Variants in THSD7A observed in about 807,000 individuals in gnomAD.
THSD7A encodes the protein thrombospondin type 1 domain containing 7A.
A neutral mutation model predicts 231.3 loss-of-function variants in THSD7A; 96 were observed. The observed-to-expected ratio is 0.41, with a 90% CI of 0.35 to 0.49. The LOEUF (loss-of-function observed/expected upper bound fraction) is 0.49. THSD7A is among the 20% of genes least tolerant of loss of function. THSD7A has a pLI of 0.05. For synonymous variants in THSD7A, 940 were observed against 743.3 expected (o/e 1.26, Z -4.30); for missense variants, 2,290 against 2,070.2 (o/e 1.11, Z -2.06).
At chr7:11,429,806 G>A (rs551818386) in intron 13 of THSD7A, among the ~76,000 whole-genome samples, 20 of 152,292 alleles carry the variant, frequency 1.3e-4, no homozygotes, top group African/African-American at 4.8e-4. Context: ...GACTGACTGA[G>A]TCCAAGGTTA....
At chr7:11,457,688 A>T (rs1032631586) in intron 11 of THSD7A, among the ~76,000 whole-genome samples, 1 of 152,086 alleles carries the variant, frequency 6.6e-6, no homozygotes, top group African/African-American at 2.4e-5. Flanking sequence ...AGCCTTCCAC[A>T]AAATCACCCC....
chr7:11,378,874 T>C (rs1349884089), intron 26 of THSD7A, 196 bp downstream of exon 26: 1 of 581,728 alleles, frequency 1.7e-6, no homozygotes, highest in African/African-American at 1.9e-5. Context: ...TAATTTCATT[T>C]CTCTGAACTT....
chr7:11,622,578 G>A (rs1314492092), intron 2 of THSD7A, among the ~76,000 whole-genome samples: 1 of 152,032 alleles, frequency 6.6e-6, no homozygotes, highest in Non-Finnish European at 1.5e-5. Flanking sequence ...TGTGTAAAAC[G>A]ATTCTTCTAG....
At chr7:11,560,086 T>A (rs968555419) in intron 4 of THSD7A, among the ~76,000 whole-genome samples, 1 of 152,000 alleles carries the variant, frequency 6.6e-6, no homozygotes, top group Admixed American at 6.6e-5. Context: ...TATACAGAGG[T>A]GGAAATAAGC....
intron 1 of THSD7A, among the ~76,000 whole-genome samples, chr7:11,768,096 G>A (rs1783088792): frequency 1.3e-5 from 2 of 152,148 alleles, no homozygotes; most frequent in Admixed American, 6.6e-5. Flanking sequence ...GATAAGTAAT[G>A]TGCAAGAAAC....
intron 1 of THSD7A, among the ~76,000 whole-genome samples, chr7:11,658,893 A>G (rs1782811270): frequency 6.6e-6 from 1 of 151,750 alleles, no homozygotes; most frequent in Non-Finnish European, 1.5e-5. Flanking sequence ...TAAGATTCAG[A>G]GCAGAACTCA....
At chr7:11,807,116 G>A (rs1292130899) in intron 1 of THSD7A, among the ~76,000 whole-genome samples, 1 of 152,058 alleles carries the variant, frequency 6.6e-6, no homozygotes, top group African/African-American at 2.4e-5. Context: ...ACTCTGAAGT[G>A]TTTTAAACAA....
chr7:11,385,474 C>T (rs1782694154), intron 23 of THSD7A: 1 of 151,986 alleles, frequency 6.6e-6, no homozygotes, highest in South Asian at 2.1e-4. Flanking sequence ...GTTTGGTCTA[C>T]AAGTTTTTAT....
At chr7:11,482,821 T>C (rs1377618467) in intron 6 of THSD7A, among the ~76,000 whole-genome samples, 1 of 152,180 alleles carries the variant, frequency 6.6e-6, no homozygotes, top group Non-Finnish European at 1.5e-5. Flanking sequence ...ACTTATTTAA[T>C]ATTTGCTGAA....
chr7:11,374,786 G>C lies in THSD7A; in HGVS notation c.*1008C>G, dbSNP rs984270063. On this transcript the variant is annotated 3_prime_UTR_variant, in exon 28 of 28. Transcript: ENST00000423059. ...CCATGTTGTCAATTTCACAATGGCT[G>C]CAGTGATGAGGAAGTGTGTGTACAG... 1 of 152,068 alleles carries C rather than the reference G, an allele frequency of 6.6e-6. No homozygotes were observed. The highest frequency in any genetic ancestry group is 2.1e-4 in the South Asian group (1 of 4,834). The allele number at this position is 152,068 out of a possible 1,614,324, so 9.4% of individuals were successfully genotyped here. A position where few individuals can be genotyped will look rare whatever the true frequency, so the allele number is the denominator to read the frequency against.
At chr7:11,698,976 T>A (rs1483874048) in intron 1 of THSD7A, among the ~76,000 whole-genome samples, 1 of 59,168 alleles carries the variant, frequency 1.7e-5, no homozygotes, top group Admixed American at 1.8e-4. Context: ...TCACTGATTT[T>A]TTTTTTTTTT....
At chr7:11,485,803 C>T (rs1377756262) in intron 6 of THSD7A, among the ~76,000 whole-genome samples, 1 of 152,156 alleles carries the variant, frequency 6.6e-6, no homozygotes, top group Non-Finnish European at 1.5e-5. Context: ...ATGCATGTTG[C>T]CAGCCACACA....
Position 11,446,368 on chromosome 7 carries a change from A to T in THSD7A, c.2801-44T>A, listed in dbSNP as rs758886151. ...CAGGCAATTTAAGTTGGAAAATACC[A>T]TCATTAATTTCACACATCCCTAAAT... On this transcript the variant is annotated intron_variant, in intron 12 of 27. Transcript: ENST00000423059. This position sits in a 1 kb window ranked among gnomAD's most constrained non-coding sequence, Gnocchi z 4.0. 6.4e-7 allele frequency: 1 copy of T among 1,569,926 alleles called. No individual in the cohort carries two copies. The highest frequency in any genetic ancestry group is 8.6e-7 in the Non-Finnish European group (1 of 1,159,976).
intron 11 of THSD7A, among the ~76,000 whole-genome samples, chr7:11,451,374 C>A (rs1355322986): frequency 6.6e-6 from 1 of 151,866 alleles, no homozygotes; most frequent in Non-Finnish European, 1.5e-5. Flanking sequence ...TAAAAATGCT[C>A]AAGTATTTAT....
intron 4 of THSD7A, among the ~76,000 whole-genome samples, chr7:11,548,466 T>TCTTA (rs1420378365): frequency 6.6e-6 from 1 of 152,092 alleles, no homozygotes; most frequent in Non-Finnish European, 1.5e-5. Flanking sequence ...CTACTAAAAC[T>TCTTA]ATTCCAAAAA....
chr7:11,674,114 G>A lies in THSD7A; in HGVS notation c.191-37153C>T, dbSNP rs140021552. On this transcript the variant is annotated intron_variant, in intron 1 of 27. Transcript: ENST00000423059. ...CTGGTGTTCTAACCCTGAGGTAGGG[G>A]AGAGTGAGGCCCTAAGGTAGGGTAG... 3.0e-3 allele frequency among the ~76,000 whole-genome samples: 458 copies of A among 152,082 alleles called. 4 individuals carry two copies. The highest frequency in any genetic ancestry group is 0.01 in the African/African-American group (429 of 41,518).
chr7:11,586,940 G>C (rs919407618), intron 4 of THSD7A, among the ~76,000 whole-genome samples: 3 of 152,036 alleles, frequency 2.0e-5, no homozygotes, highest in Non-Finnish European at 2.9e-5. Context: ...ACAATATCCA[G>C]ATTTTAGTGT....
In THSD7A at chr7:11,445,971, A is replaced by G. The variant is rs114686682; in HGVS notation, c.3064+90T>C. The G allele has an allele frequency of 6.7e-4, 991 of 1,489,062 alleles. 5 individuals carry two copies. In the African/African-American group the frequency reaches 0.012, roughly 18 times the overall value. 92.2% of individuals were successfully genotyped at this position (1,489,062 alleles called of 1,614,324 possible). Reference sequence around the variant, plus strand: ...GTTTAATTTAGAATATACGTCTGTAAACCTTCACTTCCATTCCACTATGAT... The same window carrying G: ...GTTTAATTTAGAATATACGTCTGTAGACCTTCACTTCCATTCCACTATGAT... On this transcript the variant is annotated intron_variant, in intron 13 of 27. Transcript: ENST00000423059.
intron 23 of THSD7A, among the ~76,000 whole-genome samples, chr7:11,392,056 A>T (rs190826786): frequency 1.0e-3 from 152 of 152,114 alleles, no homozygotes; most frequent in Non-Finnish European, 1.7e-3. Context: ...TCTTGCCCAG[A>T]ATCTCAACTT....
Sources: gnomAD v4.1 joint callset for allele counts (sites outside exome capture counted in the v4.1 genomes callset) on GRCh38, gnomAD v4.1.1 for gene constraint, Gnocchi (gnomAD v3.1) non-coding constraint, MANE v1.5 for transcripts, NCBI Gene and HGNC (gene_info 2026-07-23, HGNC 2026-07-21) for gene names.